The following CR1 variants were observed in gnomAD, a reference collection of about 807,000 sequenced individuals.
CR1 encodes the protein complement receptor type 1.
A neutral mutation model predicts 187.3 loss-of-function variants in CR1; 116 were observed. The observed-to-expected ratio is 0.62, with a 90% CI of 0.53 to 0.72. The LOEUF is 0.72. CR1 is among the 30% of genes least tolerant of loss of function. CR1 has a pLI of 0.00. For synonymous variants in CR1, 576 were observed against 747.1 expected (o/e 0.77, Z 3.73); for missense variants, 1,731 against 2,110.7 (o/e 0.82, Z 3.52).
chr1:207,629,216 A>G (rs115578711), intron 45 of CR1, among the ~76,000 whole-genome samples: 3,102 of 152,276 alleles, frequency 0.02, 123 homozygotes, highest in African/African-American at 0.071. Context: ...TACACAGTCA[A>G]AATTTCAAAG....
At chr1:207,609,720 G>A in intron 37 of CR1, 32 bp downstream of exon 37, 2 of 1,527,312 alleles carry the variant, frequency 1.3e-6, no homozygotes, top group African/African-American at 2.8e-5. Context: ...TTTGCTGGGT[G>A]TGAGGGTACG....
At chr1:207,596,479 T>C (rs1016173896) in intron 35 of CR1, among the ~76,000 whole-genome samples, 2 of 151,980 alleles carry the variant, frequency 1.3e-5, no homozygotes, top group Admixed American at 6.6e-5. Flanking sequence ...CCAGGTGTGG[T>C]GGCGCATGCC....
rs1660560066 is a variant in CR1, at chr1:207,567,974, T to C, written c.4103T>C (p.Ile1368Thr). Residue 1368 changes from isoleucine (I) to threonine (T), a missense_variant, in exon 25 of 47, where the codon ATC (isoleucine) becomes ACC (threonine). By Grantham distance (89) the Ile-to-Thr change is moderately conservative. Around this residue, in one of 5 missense-constraint regions of CR1, gnomAD observed 1,312 missense variants for 1,379.6 expected, o/e 0.95. Transcript: ENST00000367049. ...TSFDLIGEST[I>T]RCTSDPQGNG... is the part of the protein sequence containing the mutation. ...TTCGACCTCATTGGAGAGAGCACCATCCGCTGCACAAGTGACCCTCAAGGG... is the reference window on the plus strand; with the variant it reads ...TTCGACCTCATTGGAGAGAGCACCACCCGCTGCACAAGTGACCCTCAAGGG... 1.2e-6 allele frequency: 2 copies of C among 1,610,362 alleles called. No homozygotes were observed. Among genetic ancestry groups the C allele is most frequent in the African/African-American group, 1.4e-5 (1 of 71,984 alleles).
intron 46 of CR1, 85 bp downstream of exon 46, chr1:207,630,706 T>A: frequency 2.3e-6 from 2 of 853,942 alleles, no homozygotes; most frequent in Middle Eastern, 4.7e-4. Flanking sequence ...GATATTGCAC[T>A]AGGTAGGTCA....
intron 46 of CR1, 44 bp downstream of exon 46, chr1:207,630,665 A>C (rs761316177): frequency 7.4e-7 from 1 of 1,346,522 alleles, no homozygotes; most frequent in Non-Finnish European, 1.0e-6. Context: ...CAACAACTCA[A>C]ATATCAAAAA....
intron 35 of CR1, 78 bp from the exon 36 acceptor site, chr1:207,607,173 A>G: frequency 8.9e-7 from 1 of 1,128,330 alleles, no homozygotes; most frequent in South Asian, 1.3e-5. Context: ...TCTAATGTCT[A>G]CCTGCTATTA....
At chr1:207,582,361 T>C (rs893535979) in intron 32 of CR1, among the ~76,000 whole-genome samples, 6 of 152,238 alleles carry the variant, frequency 3.9e-5, no homozygotes, top group African/African-American at 1.4e-4. Context: ...TTTAGTCATA[T>C]ACTCATTCTT....
chr1:207,630,466 A>C (rs1558281510), intron 45 of CR1, 51 bp from the exon 46 acceptor site: 2 of 1,193,230 alleles, frequency 1.7e-6, no homozygotes, highest in Non-Finnish European at 1.2e-6. Flanking sequence ...CTTTCAAAAC[A>C]GATACTTAAA....
intron 27 of CR1, among the ~76,000 whole-genome samples, chr1:207,572,951 A>G (rs1212803544): frequency 6.6e-6 from 1 of 151,898 alleles, no homozygotes; most frequent in Non-Finnish European, 1.5e-5. Flanking sequence ...TTTCCCTTTT[A>G]ATAAGGACAC....
At chr1:207,584,270 C>A (rs1264557151) in intron 32 of CR1, among the ~76,000 whole-genome samples, 1 of 152,132 alleles carries the variant, frequency 6.6e-6, no homozygotes, top group Non-Finnish European at 1.5e-5. Context: ...TTATCCTGTG[C>A]TTTAAACAGT....
intron 40 of CR1, among the ~76,000 whole-genome samples, chr1:207,616,177 T>C (rs758560521): frequency 2.0e-5 from 3 of 152,206 alleles, no homozygotes; most frequent in Non-Finnish European, 4.4e-5. Flanking sequence ...TTAAAGTTCA[T>C]AGATTTCCTT....
chr1:207,518,425 C>T (rs1159490910), intron 4 of CR1, among the ~76,000 whole-genome samples: 1 of 152,122 alleles, frequency 6.6e-6, no homozygotes, highest in Non-Finnish European at 1.5e-5. Context: ...TTTCCCCCTC[C>T]ACTTGTTCTC....
chr1:207,507,748 G>A (rs921785747), intron 3 of CR1: 1 of 152,000 alleles, frequency 6.6e-6, no homozygotes, highest in African/African-American at 2.4e-5. Flanking sequence ...CTCTTACCAT[G>A]TTATCCAGCA....
At chr1:207,579,992 G>A (rs1660884557) in intron 29 of CR1, among the ~76,000 whole-genome samples, 1 of 152,120 alleles carries the variant, frequency 6.6e-6, no homozygotes, top group African/African-American at 2.4e-5. Flanking sequence ...AATAACAATG[G>A]TACAAATCGG....
chr1:207,638,452 T>G (rs2102424548), intron 46 of CR1, among the ~76,000 whole-genome samples: 1 of 152,198 alleles, frequency 6.6e-6, no homozygotes, highest in African/African-American at 2.4e-5. Flanking sequence ...AGGCCAATTT[T>G]TGGCCACTGA....
At chr1:207,592,188 A>G (rs941113490) in intron 35 of CR1, among the ~76,000 whole-genome samples, 9 of 152,226 alleles carry the variant, frequency 5.9e-5, no homozygotes, top group African/African-American at 1.7e-4. Context: ...TGATGCAAAA[A>G]TCCTCAATAA....
intron 32 of CR1, among the ~76,000 whole-genome samples, chr1:207,584,347 A>G (rs1435059285): frequency 6.6e-6 from 1 of 152,164 alleles, no homozygotes; most frequent in African/African-American, 2.4e-5. Context: ...CTTTAATGTG[A>G]CTGTGAAGAT....
intron 35 of CR1, among the ~76,000 whole-genome samples, chr1:207,599,536 T>G (rs1661544445): frequency 1.3e-5 from 2 of 152,196 alleles, no homozygotes; most frequent in African/African-American, 4.8e-5. Context: ...TTTATTGCAG[T>G]ATTGTTTATA....
chr1:207,525,688 G>A (rs1279463585), intron 5 of CR1, among the ~76,000 whole-genome samples: 3 of 151,968 alleles, frequency 2.0e-5, no homozygotes, highest in Non-Finnish European at 4.4e-5. Context: ...TAGTTTTAAG[G>A]CTTCCTTTGC....
Sources: allele counts gnomAD v4.1 joint callset (sites outside exome capture counted in the v4.1 genomes callset), GRCh38; gene constraint gnomAD v4.1.1; regional missense constraint gnomAD v4.1.1; transcripts MANE v1.5; gene names NCBI Gene and HGNC (gene_info 2026-07-23, HGNC 2026-07-21).